F11R: variants seen among roughly 807,000 people sequenced by gnomAD.
F11R encodes the protein junctional adhesion molecule A.
F11R carries 27 observed loss-of-function variants against 39.3 expected under a neutral mutation model. The ratio of observed to expected loss-of-function variants is 0.69; its 90% CI spans 0.51 to 0.95. F11R has a LOEUF of 0.95. Ranked by LOEUF, F11R falls within the 40% of genes least tolerant of loss-of-function variation. F11R has a pLI of 0.00. For synonymous variants in F11R, 131 were observed against 144.9 expected (o/e 0.90, Z 0.69); for missense variants, 335 against 372.7 (o/e 0.90, Z 0.83).
intron 8 of F11R, 57 bp from the exon 9 acceptor site, chr1:160,999,148 C>A: frequency 1.9e-6 from 3 of 1,609,902 alleles, no homozygotes; most frequent in Non-Finnish European, 2.5e-6. Flanking sequence ...ATTAACCTCC[C>A]CTTGCCAACT....
At chr1:160,999,510 G>T in intron 7 of F11R, 102 bp from the exon 8 acceptor site, 1 of 1,555,684 alleles carries the variant, frequency 6.4e-7, no homozygotes, top group South Asian at 1.1e-5. Context: ...TTAGATGGGT[G>T]ATCAGTGTTC....
intron 1 of F11R, among the ~76,000 whole-genome samples, chr1:161,017,858 G>A (rs1164727404): frequency 6.6e-6 from 1 of 152,212 alleles, no homozygotes; most frequent in African/African-American, 2.4e-5. Context: ...AAGCTAGAAG[G>A]GCTTGAGTCA....
chr1:161,004,118 C>CT (rs1015106778), intron 1 of F11R, among the ~76,000 whole-genome samples: 74 of 151,828 alleles, frequency 4.9e-4, no homozygotes, highest in Admixed American at 1.3e-3. Flanking sequence ...GCTGGAATTT[C>CT]TTTTTTTTAA....
At chr1:161,001,674 TTC>T (rs1648500632) in intron 1 of F11R, among the ~76,000 whole-genome samples, 4 of 152,312 alleles carry the variant, frequency 2.6e-5, no homozygotes, top group Admixed American at 1.3e-4. Flanking sequence ...AGAATGACAT[TTC>T]ACTGTTCAGA....
chr1:160,999,586 C>T, intron 7 of F11R, 54 bp downstream of exon 7: 1 of 1,557,782 alleles, frequency 6.4e-7, no homozygotes, highest in Admixed American at 1.7e-5. Context: ...ACACCCATGC[C>T]AGGCCCTGGG....
intron 1 of F11R, among the ~76,000 whole-genome samples, chr1:161,011,769 G>A (rs1466977141): frequency 2.0e-5 from 3 of 151,406 alleles, no homozygotes; most frequent in Admixed American, 6.6e-5. Flanking sequence ...AAATATAGAC[G>A]TATCTCACAC....
chr1:161,010,441 C>CAAAAAAAAAAAAAAAAAA (rs1248451719), intron 1 of F11R, among the ~76,000 whole-genome samples: 2 of 80,266 alleles, frequency 2.5e-5, no homozygotes, highest in African/African-American at 5.4e-5. Flanking sequence ...GAGACTCCAT[C>CAAAAAAAAAAAAAAAAAA]AAAAAAAAAA....
At chr1:161,011,669 G>T (rs1472156241) in intron 1 of F11R, among the ~76,000 whole-genome samples, 1 of 151,628 alleles carries the variant, frequency 6.6e-6, no homozygotes, top group African/African-American at 2.4e-5. Context: ...AGTGGAGGTT[G>T]CAGTGAGCTG....
intron 1 of F11R, 64 bp downstream of exon 1, chr1:161,020,946 G>T (rs1649725968): frequency 1.4e-6 from 2 of 1,461,178 alleles, no homozygotes; most frequent in South Asian, 1.1e-5. Context: ...TAGGGGCGTG[G>T]GGAGAGCCTT....
chr1:161,017,727 T>C (rs1357153860), intron 1 of F11R, among the ~76,000 whole-genome samples: 1 of 146,888 alleles, frequency 6.8e-6, no homozygotes, highest in East Asian at 2.0e-4. Context: ...AGTTTGTCTC[T>C]GTGTCTTTTT....
chr1:161,016,975 C>T (rs2101990768), intron 1 of F11R, among the ~76,000 whole-genome samples: 1 of 152,326 alleles, frequency 6.6e-6, no homozygotes, highest in East Asian at 1.9e-4. Context: ...CCCCCAACCC[C>T]TTGCTCTCTG....
rs1009643181 is a variant in F11R, at chr1:160,998,625, AG to A, written c.*245del. 1 of 590,106 alleles carries A rather than the reference AG, an allele frequency of 1.7e-6. No individual in the cohort carries two copies. The highest frequency in any genetic ancestry group is 3.0e-6 in the Non-Finnish European group (1 of 332,086). The allele number at this position is 590,106 out of a possible 1,614,324, so 36.6% of individuals were successfully genotyped here. On this transcript the variant is annotated 3_prime_UTR_variant, in exon 10 of 10. Transcript: ENST00000368026. ...CCAGGATTCCTTCCTGATCCCTCAA[AG>A]AAATGGGGAATAAACACTTTAAACA...
In F11R at chr1:161,000,056, A is replaced by T; in HGVS notation, c.592-78T>A. On this transcript the variant is annotated intron_variant, in intron 5 of 9. Transcript: ENST00000368026. Reference sequence around the variant, plus strand: ...TTTAATGTCTCTTGACCCCAGTTCCAAGTTCACCCTGTTGCCTGTTCTTCC... The same window carrying T: ...TTTAATGTCTCTTGACCCCAGTTCCTAGTTCACCCTGTTGCCTGTTCTTCC... The T allele has an allele frequency of 3.1e-6, 5 of 1,598,468 alleles. No homozygotes were observed. In the South Asian group the frequency reaches 5.5e-5, roughly 18 times the overall value.
At chr1:161,011,136 G>A (rs1649135501) in intron 1 of F11R, among the ~76,000 whole-genome samples, 1 of 151,822 alleles carries the variant, frequency 6.6e-6, no homozygotes, top group African/African-American at 2.4e-5. Context: ...AGGTTCAAGA[G>A]ATTCTCCTGC....
At chr1:161,008,339 C>CA (rs367803283) in intron 1 of F11R, among the ~76,000 whole-genome samples, 41 of 152,082 alleles carry the variant, frequency 2.7e-4, no homozygotes, top group African/African-American at 9.6e-4. Flanking sequence ...ACTAAAAATA[C>CA]AAAAAATTAG....
chr1:161,010,666 A>G (rs905464802), intron 1 of F11R, among the ~76,000 whole-genome samples: 10 of 152,066 alleles, frequency 6.6e-5, no homozygotes, highest in African/African-American at 2.2e-4. Flanking sequence ...CTAGGAATAT[A>G]GCCTAAGAAA....
intron 1 of F11R, among the ~76,000 whole-genome samples, chr1:161,015,407 A>ATATATATATAT (rs1553211260): frequency 4.4e-5 from 6 of 136,136 alleles, no homozygotes; most frequent in African/African-American, 1.6e-4. Context: ...CAAAAAAAAA[A>ATATATATATAT]ATATATATAT....
rs753566681 is a variant in F11R at position 160,999,715 on chromosome 1, C to T, written c.727G>A (p.Val243Ile). Residue 243 changes from valine to isoleucine, a missense_variant, in exon 7 of 10, where the codon GTC becomes ATC. Transcript: ENST00000368026. Reference sequence around the variant, plus strand: ...CCCAGGAGAATCAGGGTTACAAGGACGGCTGCCACGATGACCCCCACATTC... The same window carrying T: ...CCCAGGAGAATCAGGGTTACAAGGATGGCTGCCACGATGACCCCCACATTC... ...ERNVGVIVAA[V>I]LVTLILLGIL... 50 of 1,614,034 alleles carry T rather than the reference C, an allele frequency of 3.1e-5. No individual in the cohort carries two copies. Among genetic ancestry groups the T allele is most frequent in the Admixed American group, 8.3e-5 (5 of 60,000 alleles).
At chr1:161,013,001 G>A (rs1649258747) in intron 1 of F11R, among the ~76,000 whole-genome samples, 1 of 152,108 alleles carries the variant, frequency 6.6e-6, no homozygotes, top group African/African-American at 2.4e-5. Flanking sequence ...ATTACATGTC[G>A]TCGGGGTTTG....
Sources: gnomAD v4.1 joint callset for allele counts (sites outside exome capture counted in the v4.1 genomes callset) on GRCh38, gnomAD v4.1.1 for gene constraint, MANE v1.5 for transcripts, NCBI Gene and HGNC (gene_info 2026-07-23, HGNC 2026-07-21) for gene names.